PDCD2: variants seen among roughly 807,000 people sequenced by gnomAD.
The protein encoded by PDCD2 is programmed cell death 2, also known as uS5 assembly chaperone PDCD2.
PDCD2 carries 38 observed loss-of-function variants against 38.1 expected under a neutral mutation model. That is an observed-to-expected ratio of 1.00 (90% CI 0.77 to 1.31). PDCD2 has a LOEUF of 1.31. PDCD2 is among the 50% of genes most tolerant of loss of function. PDCD2 has a pLI of 0.00. For synonymous variants in PDCD2, 205 were observed against 168.9 expected (o/e 1.21, Z -1.66); for missense variants, 473 against 435.7 (o/e 1.09, Z -0.76).
chr6:170,580,181 C>A, intron 3 of PDCD2, 76 bp from the exon 4 acceptor site: 1 of 811,442 alleles, frequency 1.2e-6, no homozygotes. Context: ...GGAGAGGGGA[C>A]CCACTTTTAA....
At chr6:170,583,887 C>T (rs776477726) in intron 1 of PDCD2, 140 bp from the exon 2 acceptor site, 223 of 743,674 alleles carry the variant, frequency 3.0e-4, no homozygotes, top group Middle Eastern at 3.8e-4. Flanking sequence ...CTTTTAAAAT[C>T]CAGAAACTAG....
At chr6:170,578,634 A>C in intron 5 of PDCD2, 1 of 703,176 alleles carries the variant, frequency 1.4e-6, no homozygotes, top group South Asian at 1.5e-5. Context: ...CACAGAAGTC[A>C]GTCAATAGAC....
rs1008033526 is a variant in PDCD2 at position 170,584,381 on chromosome 6, C to T, written c.201G>A (p.Pro67=). ...GGAAGGCGTCCGGGCGGCCAGGCAG[C>T]GGCGCATACACCTGCAGCAGGAAGG... ...PLSFLLQVYA[P]LPGRPDAFHR... Residue 67 remains proline (P), a synonymous_variant, in exon 1 of 6, where the codon CCG becomes CCA. Coordinates refer to ENST00000541970, the MANE Select transcript of PDCD2 (RefSeq NM_002598.4). 2.0e-6 allele frequency: 3 copies of T among 1,485,078 alleles called. No individual in the cohort carries two copies. The highest frequency in any genetic ancestry group is 2.7e-6 in the Non-Finnish European group (3 of 1,122,308). 92.0% of individuals were successfully genotyped at this position (1,485,078 alleles called of 1,614,324 possible). A position where few individuals can be genotyped will look rare whatever the true frequency, so the allele number is the denominator to read the frequency against.
At position 170,579,187 on chromosome 6, in the gene PDCD2, G is replaced by A. The variant is rs187076583; in HGVS notation, c.763-217C>T. 19 of 504,292 alleles carry A rather than the reference G, an allele frequency of 3.8e-5. No homozygotes were observed. The Admixed American group carries it at 6.2e-4, about 16-fold the overall frequency. The allele number at this position is 504,292 out of a possible 1,614,324, so 31.2% of individuals were successfully genotyped here. A position where few individuals can be genotyped will look rare whatever the true frequency, so the allele number is the denominator to read the frequency against. ...TATTTCAGTTTATCTGACTCAGAGG[G>A]CATCAAAATATATCTCCCAGATGAT... On this transcript the variant is annotated intron_variant, in intron 4 of 5. Coordinates refer to ENST00000541970, the MANE Select transcript of PDCD2 (RefSeq NM_002598.4).
intron 5 of PDCD2, 48 bp from the exon 6 acceptor site, chr6:170,577,765 G>A (rs1554247626): frequency 6.3e-7 from 1 of 1,584,136 alleles, no homozygotes; most frequent in Non-Finnish European, 8.6e-7. Flanking sequence ...ACAGCAGGGA[G>A]CACGAGACCT....
At chr6:170,581,953 T>G in intron 3 of PDCD2, 1 of 535,812 alleles carries the variant, frequency 1.9e-6, no homozygotes, top group Non-Finnish European at 3.1e-6. Context: ...CTTAAAATAC[T>G]CATACAGTTC....
chr6:170,582,539 G>T, intron 3 of PDCD2: 1 of 1,343,182 alleles, frequency 7.4e-7, no homozygotes, highest in Non-Finnish European at 9.6e-7. Context: ...ATGAGCTCAT[G>T]CACAAACAGC....
rs570769702 is a variant in PDCD2, at chr6:170,576,829, G to C, written c.*730C>G. On this transcript the variant is annotated 3_prime_UTR_variant, in exon 6 of 6. Transcript: ENST00000541970. The stretch of plus-strand genomic sequence containing the variant: ...TCATCTGTAAGCAGGGCCGCTGGCT[G>C]ACCAAGATCAGTTCTGAAGGTCCAG... 6.6e-6 allele frequency: 1 copy of C among 152,348 alleles called. No homozygotes were observed. The highest frequency in any genetic ancestry group is 2.4e-5 in the African/African-American group (1 of 41,590). The allele number at this position is 152,348 out of a possible 1,614,324, so 9.4% of individuals were successfully genotyped here. A position where few individuals can be genotyped will look rare whatever the true frequency, so the allele number is the denominator to read the frequency against.
At chr6:170,582,817 C>T in intron 3 of PDCD2, 1 of 1,331,128 alleles carries the variant, frequency 7.5e-7, no homozygotes, top group Non-Finnish European at 9.6e-7. Context: ...CTTGTGCAGC[C>T]CTACTCATGG....
rs1301323636 is a variant in PDCD2 at position 170,576,031 on chromosome 6, G to A, written c.*1528C>T. 1 of 152,110 alleles carries A rather than the reference G, an allele frequency of 6.6e-6. No individual in the cohort carries two copies. Among genetic ancestry groups the A allele is most frequent in the African/African-American group, 2.4e-5 (1 of 41,420 alleles). The allele number at this position is 152,110 out of a possible 1,614,324, so 9.4% of individuals were successfully genotyped here. A position where few individuals can be genotyped will look rare whatever the true frequency, so the allele number is the denominator to read the frequency against. ...CACTGTGCTTCCTACTAAGTGTTGC[G>A]ACCAGCTCTTGTCACTAGTTGATGA... On this transcript the variant is annotated 3_prime_UTR_variant, in exon 6 of 6. Transcript: ENST00000541970.
rs148368539 is a variant in PDCD2 at position 170,579,902 on chromosome 6, A to C, written c.762+100T>G. 379 of 701,836 alleles carry C rather than the reference A, an allele frequency of 5.4e-4. 3 individuals carry two copies. In the African/African-American group the frequency reaches 6.2e-3, roughly 11 times the overall value. 43.5% of individuals were successfully genotyped at this position (701,836 alleles called of 1,614,324 possible). On this transcript the variant is annotated intron_variant, in intron 4 of 5. Coordinates refer to ENST00000541970, the MANE Select transcript of PDCD2 (RefSeq NM_002598.4). ...AAAAGCCTGCTTTTATAGGCTCCTA[A>C]GGAACAGACTAATGTTACTATGAAG...
At chr6:170,582,118 A>G in intron 3 of PDCD2, 1 of 1,532,740 alleles carries the variant, frequency 6.5e-7, no homozygotes, top group South Asian at 1.2e-5. Flanking sequence ...CCTTCCAGGC[A>G]GTCTTCAGTG....
intron 3 of PDCD2, chr6:170,581,898 TTGA>T: frequency 2.9e-6 from 1 of 348,550 alleles, no homozygotes; most frequent in Non-Finnish European, 5.4e-6. Flanking sequence ...TTTTTTACTT[TTGA>T]TGATTAGGGA....
chr6:170,583,418 T>C, intron 2 of PDCD2, 87 bp downstream of exon 2: 1 of 1,455,360 alleles, frequency 6.9e-7, no homozygotes, highest in Non-Finnish European at 9.3e-7. Context: ...ATACCTTTCC[T>C]AATTTTACCT....
At chr6:170,582,367 T>A (rs947882569) in intron 3 of PDCD2, 1 of 1,528,646 alleles carries the variant, frequency 6.5e-7, no homozygotes, top group African/African-American at 1.4e-5. Context: ...GTTTTCATTT[T>A]GAGTCTATAA....
chr6:170,577,418 A>C lies in PDCD2; in HGVS notation c.*141T>G, dbSNP rs1447125306. On this transcript the variant is annotated 3_prime_UTR_variant, in exon 6 of 6. Transcript: ENST00000541970. ...GTCACTGGACACTTTTGTTTCACTAATAAGTAGACACTGTGTAAGCAATCT... is the reference window on the plus strand; with the variant it reads ...GTCACTGGACACTTTTGTTTCACTACTAAGTAGACACTGTGTAAGCAATCT... 7.2e-6 allele frequency: 5 copies of C among 699,014 alleles called. No individual in the cohort carries two copies. In the African/African-American group the frequency reaches 9.0e-5, roughly 13 times the overall value. The allele number at this position is 699,014 out of a possible 1,614,324, so 43.3% of individuals were successfully genotyped here. A position where few individuals can be genotyped will look rare whatever the true frequency, so the allele number is the denominator to read the frequency against.
rs563527184 is a variant in PDCD2, at chr6:170,577,655, G to T, written c.939C>A (p.Gly313=). 28 of 1,613,642 alleles carry T rather than the reference G, an allele frequency of 1.7e-5. No homozygotes were observed. Among genetic ancestry groups the T allele is most frequent in the Admixed American group, 6.7e-5 (4 of 59,990 alleles). The change falls in exon 6 of 6, where the codon GGC becomes GGA. Residue 313 remains glycine, a synonymous_variant. Coordinates refer to ENST00000541970, the MANE Select transcript of PDCD2 (RefSeq NM_002598.4). The part of the protein sequence containing the change: ...ADRLGKSIDW[G]ILAVFTCAES... Reference sequence around the variant, plus strand: ...CAGCACAGGTGAAGACAGCCAGGATGCCCCAGTCAATGCTCTTGCCCAGTC... The same window carrying T: ...CAGCACAGGTGAAGACAGCCAGGATTCCCCAGTCAATGCTCTTGCCCAGTC...
intron 5 of PDCD2, 49 bp from the exon 6 acceptor site, chr6:170,577,766 C>T: frequency 1.3e-6 from 2 of 1,582,596 alleles, no homozygotes; most frequent in East Asian, 2.3e-5. Context: ...CAGCAGGGAG[C>T]ACGAGACCTT....
intron 3 of PDCD2, chr6:170,581,288 C>G (rs974076515): frequency 1.3e-5 from 2 of 152,132 alleles, no homozygotes; most frequent in Admixed American, 6.5e-5. Context: ...TTATGTACCC[C>G]TCGAAGGCAA....
Sources: gnomAD v4.1 joint callset for allele counts on GRCh38, gnomAD v4.1.1 for gene constraint, MANE v1.5 for transcripts, NCBI Gene and HGNC (gene_info 2026-07-23, HGNC 2026-07-21) for gene names.